Variants in WDR27 observed in about 807,000 individuals in gnomAD.
WDR27 encodes the protein WD repeat-containing protein 27.
A neutral mutation model predicts 114.4 loss-of-function variants in WDR27; 100 were observed. That is an observed-to-expected ratio of 0.87 (90% CI 0.74 to 1.03). The LOEUF is 1.03. WDR27 is among the 50% of genes least tolerant of loss of function. WDR27 has a pLI of 0.00. For synonymous variants in WDR27, 449 were observed against 423.1 expected, an observed-to-expected ratio of 1.06 and a Z score of -0.75; for missense variants, 1,129 against 1,092.9, an observed-to-expected ratio of 1.03 and a Z score of -0.47.
chr6:169,659,215 G>C lies in WDR27; in HGVS notation c.1198-8C>G. ...GGCCAGCAAGCACAGCACCTGCAGG[G>C]ACGCGGTTTCAACATCGTTAGCGAC... On this transcript the variant is annotated splice_region_variant and splice_polypyrimidine_tract_variant and intron_variant, in intron 11 of 25. Transcript: ENST00000448612. The surrounding 1 kb of genome is among the most constrained non-coding windows in gnomAD (Gnocchi z 4.3). The C allele has an allele frequency of 6.3e-7, 1 of 1,587,338 alleles. No individual in the cohort carries two copies. The highest frequency in any genetic ancestry group is 1.1e-5 in the South Asian group (1 of 87,018).
At chr6:169,460,775 T>C (rs1458836997) in intron 25 of WDR27, among the ~76,000 whole-genome samples, 2 of 152,224 alleles carry the variant, frequency 1.3e-5, no homozygotes, top group African/African-American at 4.8e-5. Flanking sequence ...CTGTAAAGCC[T>C]GCATATACAA....
At chr6:169,584,382 A>G (rs1804151770) in intron 23 of WDR27, among the ~76,000 whole-genome samples, 1 of 152,202 alleles carries the variant, frequency 6.6e-6, no homozygotes, top group South Asian at 2.1e-4. Context: ...GCTAATGAAC[A>G]TGGGAGGGCA....
At chr6:169,643,269 CTG>C (rs1409519233) in intron 17 of WDR27, among the ~76,000 whole-genome samples, 1 of 152,034 alleles carries the variant, frequency 6.6e-6, no homozygotes, top group Non-Finnish European at 1.5e-5. Context: ...AATTTTAACA[CTG>C]TTGCTCTCAG....
intron 24 of WDR27, among the ~76,000 whole-genome samples, chr6:169,579,834 C>A (rs1803081264): frequency 6.6e-6 from 1 of 152,238 alleles, no homozygotes; most frequent in Admixed American, 6.5e-5. Context: ...CTCGAAAAAA[C>A]CTGCTCTTTC....
Position 169,684,371 on chromosome 6 carries a change from G to A in WDR27, c.189+4446C>T, listed in dbSNP as rs1170289110. On this transcript the variant is annotated intron_variant, in intron 2 of 25. Coordinates refer to ENST00000448612, the MANE Select transcript of WDR27 (RefSeq NM_182552.5). The surrounding 1 kb of genome is among the most constrained non-coding windows in gnomAD (Gnocchi z 4.3). Reference sequence around the variant, plus strand: ...CCTGCCCCAAGAAGAAATACTTCTGGGCTGCCCAATGTCCCCGAGTCTCCA... The same window carrying A: ...CCTGCCCCAAGAAGAAATACTTCTGAGCTGCCCAATGTCCCCGAGTCTCCA... Among the ~76,000 whole-genome samples, 1 of 152,078 alleles carries A rather than the reference G, an allele frequency of 6.6e-6. No homozygotes were observed. Among genetic ancestry groups the A allele is most frequent in the Non-Finnish European group, 1.5e-5 (1 of 68,004 alleles).
chr6:169,487,558 G>T (rs1458796571), intron 25 of WDR27, among the ~76,000 whole-genome samples: 1 of 152,082 alleles, frequency 6.6e-6, no homozygotes, highest in Non-Finnish European at 1.5e-5. Context: ...AGGTTACAGT[G>T]GGGAAGATAT....
At chr6:169,651,189 G>C (rs1228916881) in intron 14 of WDR27, among the ~76,000 whole-genome samples, 6 of 112,916 alleles carry the variant, frequency 5.3e-5, no homozygotes, top group African/African-American at 1.6e-4. Flanking sequence ...GGGGCGGGGG[G>C]GGGGAGTGGG....
chr6:169,463,138 G>A (rs1253754148), intron 25 of WDR27, among the ~76,000 whole-genome samples: 1 of 152,144 alleles, frequency 6.6e-6, no homozygotes, highest in Non-Finnish European at 1.5e-5. Context: ...CTAAGAGCCT[G>A]GTTTCCATTT....
intron 25 of WDR27, among the ~76,000 whole-genome samples, chr6:169,476,669 G>A (rs1787220991): frequency 6.6e-6 from 1 of 151,762 alleles, no homozygotes; most frequent in Non-Finnish European, 1.5e-5. Flanking sequence ...TTTCCCCATG[G>A]CTATTTTTTT....
At chr6:169,626,034 G>A (rs968605327) in intron 21 of WDR27, among the ~76,000 whole-genome samples, 3 of 152,204 alleles carry the variant, frequency 2.0e-5, no homozygotes, top group African/African-American at 7.2e-5. Context: ...CGAGAAAGTG[G>A]TACAGGGTCT....
chr6:169,513,441 C>A (rs1793174616), intron 25 of WDR27, among the ~76,000 whole-genome samples: 1 of 152,080 alleles, frequency 6.6e-6, no homozygotes, highest in Non-Finnish European at 1.5e-5. Context: ...GAAGGATTTG[C>A]AGCCATGTTT....
chr6:169,517,822 A>C (rs1583921894), intron 25 of WDR27, among the ~76,000 whole-genome samples: 1 of 152,338 alleles, frequency 6.6e-6, no homozygotes, highest in East Asian at 1.9e-4. Context: ...AAATCAACTG[A>C]TAATCTTGTT....
intron 14 of WDR27, 49 bp downstream of exon 14, chr6:169,651,881 T>A: frequency 1.3e-6 from 2 of 1,531,804 alleles, no homozygotes; most frequent in Non-Finnish European, 1.8e-6. Context: ...AAATCCTGCA[T>A]CTGTGACGCA....
intron 24 of WDR27, among the ~76,000 whole-genome samples, chr6:169,576,549 G>A (rs138340131): frequency 0.016 from 2,466 of 152,194 alleles, 64 homozygotes; most frequent in African/African-American, 0.057. Context: ...TTGCTTGAGG[G>A]CAGGAGTTTG....
At chr6:169,578,535 T>G (rs975614603) in intron 24 of WDR27, among the ~76,000 whole-genome samples, 6 of 152,248 alleles carry the variant, frequency 3.9e-5, no homozygotes, top group African/African-American at 1.4e-4. Context: ...CAGCACTTAA[T>G]AGATTTCCTA....
Position 169,600,170 on chromosome 6 carries a change from C to G in WDR27, c.2424+2049G>C, listed in dbSNP as rs546746244. On this transcript the variant is annotated intron_variant, in intron 23 of 25. Transcript: ENST00000448612. ...GCTCTTTTACATTTGCTGAGGAGTG[C>G]TTTACTTCCAACTATGTGGTCAATT... is the stretch of plus-strand genomic sequence containing the variant. Among the ~76,000 whole-genome samples, 582 of 152,254 alleles carry G rather than the reference C, an allele frequency of 3.8e-3. 5 individuals are homozygous for G. The highest frequency in any genetic ancestry group is 0.013 in the African/African-American group (557 of 41,534).
intron 23 of WDR27, among the ~76,000 whole-genome samples, chr6:169,590,333 A>G (rs1296050658): frequency 6.6e-6 from 1 of 152,248 alleles, no homozygotes; most frequent in Admixed American, 6.5e-5. Context: ...GGAATCAACT[A>G]TCATATTATG....
At chr6:169,629,909 A>C (rs2128212182) in intron 21 of WDR27, among the ~76,000 whole-genome samples, 1 of 150,296 alleles carries the variant, frequency 6.7e-6, no homozygotes, top group East Asian at 2.0e-4. Context: ...CCTGGGCGAC[A>C]AGAGCGAAAC....
intron 22 of WDR27, 39 bp downstream of exon 22, chr6:169,613,520 C>A: frequency 6.6e-7 from 1 of 1,526,574 alleles, no homozygotes; most frequent in Admixed American, 1.7e-5. Flanking sequence ...ATCTCTTGAG[C>A]TCCCCACCCC....
Sources: allele counts gnomAD v4.1 joint callset (sites outside exome capture counted in the v4.1 genomes callset), GRCh38; gene constraint gnomAD v4.1.1; non-coding constraint Gnocchi (gnomAD v3.1); transcripts MANE v1.5; gene names NCBI Gene and HGNC (gene_info 2026-07-23, HGNC 2026-07-21).